CLASP1: variants seen among roughly 807,000 people sequenced by gnomAD.
The protein encoded by CLASP1 is cytoplasmic linker associated protein 1.
Under a neutral mutation model 192.3 loss-of-function variants are expected in CLASP1, and 38 were observed. The observed-to-expected ratio is 0.20, with a 90% CI of 0.15 to 0.26. CLASP1 has a LOEUF of 0.26. CLASP1 is among the 10% of genes least tolerant of loss of function. CLASP1 has a pLI of 1.00. For missense variants in CLASP1, 1,433 were observed against 1,932.5 expected (o/e 0.74, Z 4.85); for synonymous variants, 691 against 712.8 (o/e 0.97, Z 0.49).
intron 2 of CLASP1, among the ~76,000 whole-genome samples, chr2:121,581,455 T>C (rs1390390292): frequency 6.6e-6 from 1 of 151,440 alleles, no homozygotes; most frequent in Non-Finnish European, 1.5e-5. Flanking sequence ...TTTGTATTTT[T>C]AGTAGAGACG....
At chr2:121,582,843 G>A (rs1394001922) in intron 2 of CLASP1, among the ~76,000 whole-genome samples, 1 of 151,088 alleles carries the variant, frequency 6.6e-6, no homozygotes, top group Non-Finnish European at 1.5e-5. Context: ...GGAGTACAGT[G>A]GCGCGATCTC....
chr2:121,378,535 T>C (rs993933396), intron 33 of CLASP1, among the ~76,000 whole-genome samples: 5 of 152,018 alleles, frequency 3.3e-5, no homozygotes, highest in Non-Finnish European at 7.4e-5. Flanking sequence ...ACAGGGAGAA[T>C]CCTGAGAACA....
At chr2:121,527,911 G>A (rs1313285947) in intron 4 of CLASP1, 21 bp from the exon 5 acceptor site, 1 of 1,593,102 alleles carries the variant, frequency 6.3e-7, no homozygotes, top group Admixed American at 1.7e-5. Flanking sequence ...CAAAGAACAG[G>A]TGAGGAAAGG....
intron 8 of CLASP1, among the ~76,000 whole-genome samples, chr2:121,488,490 G>T (rs1257170674): frequency 6.6e-6 from 1 of 152,180 alleles, no homozygotes; most frequent in Admixed American, 6.5e-5. Context: ...CCAGTCTGAG[G>T]GATTCCAGAG....
chr2:121,393,971 C>T (rs1046866572), intron 30 of CLASP1, among the ~76,000 whole-genome samples: 1 of 151,966 alleles, frequency 6.6e-6, no homozygotes, highest in Non-Finnish European at 1.5e-5. Flanking sequence ...AAAAAAGCGC[C>T]CTTCTAAAAT....
intron 2 of CLASP1, among the ~76,000 whole-genome samples, chr2:121,595,588 C>T (rs1421916556): frequency 1.3e-5 from 2 of 152,220 alleles, no homozygotes; most frequent in South Asian, 2.1e-4. Context: ...CTTCCTAAAA[C>T]AGGGGGCCTC....
chr2:121,592,056 C>A (rs2062462220), intron 2 of CLASP1, among the ~76,000 whole-genome samples: 1 of 152,216 alleles, frequency 6.6e-6, no homozygotes, highest in Non-Finnish European at 1.5e-5. Flanking sequence ...GGCAGGGCCA[C>A]CAGCTTGGTT....
At chr2:121,559,885 C>T (rs1198873613) in intron 2 of CLASP1, among the ~76,000 whole-genome samples, 4 of 152,070 alleles carry the variant, frequency 2.6e-5, no homozygotes, top group Admixed American at 6.5e-5. Context: ...TAATTATCAT[C>T]ATCATCATTA....
At chr2:121,463,015 C>T (rs766898496) in intron 9 of CLASP1, among the ~76,000 whole-genome samples, 5 of 152,076 alleles carry the variant, frequency 3.3e-5, no homozygotes, top group Non-Finnish European at 7.4e-5. Context: ...AATATTCAAA[C>T]AAGTCCTAAA....
At chr2:121,498,153 C>A (rs1337362243) in intron 8 of CLASP1, among the ~76,000 whole-genome samples, 2 of 150,756 alleles carry the variant, frequency 1.3e-5, no homozygotes, top group African/African-American at 4.9e-5. Context: ...AACCACCATG[C>A]CTGGCCTCTT....
chr2:121,430,742 G>A (rs903601017), intron 19 of CLASP1, among the ~76,000 whole-genome samples: 2 of 152,132 alleles, frequency 1.3e-5, no homozygotes, highest in Non-Finnish European at 1.5e-5. Context: ...TTTAAAGCAT[G>A]TAAGTCAGTA....
intron 8 of CLASP1, among the ~76,000 whole-genome samples, chr2:121,478,673 A>ACCACACACACACC: frequency 1.4e-5 from 1 of 70,322 alleles, no homozygotes; most frequent in African/African-American, 5.2e-5. Flanking sequence ...CCCCACACAC[A>ACCACACACACACC]CCACACACAC....
intron 2 of CLASP1, among the ~76,000 whole-genome samples, chr2:121,538,173 G>A (rs1366766602): frequency 2.6e-5 from 4 of 152,112 alleles, no homozygotes; most frequent in Non-Finnish European, 5.9e-5. Flanking sequence ...CAGCACTTTG[G>A]GAGGCCAAGG....
At chr2:121,445,540 T>C (rs1574919158) in intron 19 of CLASP1, 1 of 1,127,648 alleles carries the variant, frequency 8.9e-7, no homozygotes, top group East Asian at 5.8e-5. Flanking sequence ...GCTACACTTT[T>C]GCAAAGATGT....
At chr2:121,410,740 A>G in intron 24 of CLASP1, 126 bp downstream of exon 25, 1 of 579,426 alleles carries the variant, frequency 1.7e-6, no homozygotes, top group Non-Finnish European at 3.0e-6. Context: ...CCCAACATTA[A>G]CACAATTTTA....
At chr2:121,512,537 T>G (rs1376814445) in intron 7 of CLASP1, among the ~76,000 whole-genome samples, 1 of 152,232 alleles carries the variant, frequency 6.6e-6, no homozygotes, top group Non-Finnish European at 1.5e-5. Context: ...TGAGACCCCA[T>G]GTAAGCAGGG....
chr2:121,556,127 G>A (rs1444243791), intron 2 of CLASP1, among the ~76,000 whole-genome samples: 3 of 148,692 alleles, frequency 2.0e-5, no homozygotes. Context: ...GGAATTACAG[G>A]CACACACCAC....
chr2:121,422,174 T>C (rs2079617105), intron 22 of CLASP1, among the ~76,000 whole-genome samples: 2 of 152,326 alleles, frequency 1.3e-5, no homozygotes, highest in East Asian at 1.9e-4. Flanking sequence ...TCTTGACTTT[T>C]ACATCTTAAG....
intron 8 of CLASP1, among the ~76,000 whole-genome samples, chr2:121,496,050 T>C (rs1406674146): frequency 6.6e-6 from 1 of 152,232 alleles, no homozygotes; most frequent in African/African-American, 2.4e-5. Flanking sequence ...GAGCCACACA[T>C]TTCCAAAGCA....
Sources: allele counts gnomAD v4.1 joint callset (sites outside exome capture counted in the v4.1 genomes callset), GRCh38; gene constraint gnomAD v4.1.1; transcripts MANE v1.5; gene names NCBI Gene and HGNC (gene_info 2026-07-23, HGNC 2026-07-21).